Variants in PRKN observed in about 807,000 individuals in gnomAD.
PRKN encodes the protein parkin RBR E3 ubiquitin protein ligase.
In PRKN, 56 loss-of-function variants were observed where a neutral mutation model predicts 59.5. That is an observed-to-expected ratio of 0.94 (90% CI 0.76 to 1.18). The LOEUF (loss-of-function observed/expected upper bound fraction) is 1.18, where lower values mean the gene tolerates loss of function less well. Among genes scored for constraint, PRKN ranks in the 50% most tolerant of loss-of-function variants. The pLI, the probability that PRKN is intolerant of heterozygous loss-of-function variation, is 0.00. For missense variants in PRKN, 657 were observed against 596.4 expected (o/e 1.10, Z -1.06); for synonymous variants, 250 against 222.1 (o/e 1.13, Z -1.12).
rs1447620970 is a variant in PRKN, at chr6:161,543,126, A to C, written c.1083+5728T>G. ...TGGATTTTAAACTCAATAATTAGTT[A>C]AATCTTTGAGTAAAAGGGTAGGTAT... On this transcript the variant is annotated intron_variant, in intron 9 of 11. Transcript: ENST00000366898. 2.0e-5 allele frequency among the ~76,000 whole-genome samples: 3 copies of C among 152,182 alleles called. No individual in the cohort carries two copies. In the East Asian group the frequency reaches 5.8e-4, roughly 29 times the overall value.
At chr6:162,397,775 G>A (rs1787548307) in intron 2 of PRKN, among the ~76,000 whole-genome samples, 1 of 152,136 alleles carries the variant, frequency 6.6e-6, no homozygotes, top group Non-Finnish European at 1.5e-5. Context: ...AGTGGCTCAT[G>A]CCTGTAATCC....
intron 4 of PRKN, among the ~76,000 whole-genome samples, chr6:162,175,568 A>G (rs1047434300): frequency 7.9e-5 from 12 of 152,210 alleles, no homozygotes; most frequent in Non-Finnish European, 1.8e-4. Context: ...GGTATATGCA[A>G]TAGAAGCTGT....
chr6:162,346,758 C>A (rs1784420994), intron 2 of PRKN, among the ~76,000 whole-genome samples: 1 of 152,042 alleles, frequency 6.6e-6, no homozygotes, highest in South Asian at 2.1e-4. Flanking sequence ...TTTAATCTGT[C>A]AATATGGTAA....
intron 7 of PRKN, among the ~76,000 whole-genome samples, chr6:161,580,026 G>A (rs1781275076): frequency 6.6e-6 from 1 of 152,130 alleles, no homozygotes; most frequent in South Asian, 2.1e-4. Context: ...TATATTTAGA[G>A]TGTATATGCT....
chr6:162,686,420 G>C (rs1240286561), intron 1 of PRKN, among the ~76,000 whole-genome samples: 4 of 152,014 alleles, frequency 2.6e-5, no homozygotes, highest in Non-Finnish European at 5.9e-5. Context: ...AGAAGTTTTT[G>C]TTTTGTTTTG....
chr6:162,548,513 A>G (rs1025728115), intron 1 of PRKN, among the ~76,000 whole-genome samples: 2 of 151,972 alleles, frequency 1.3e-5, no homozygotes, highest in African/African-American at 4.8e-5. Flanking sequence ...TAAGCACATA[A>G]TCCCATTTAT....
At chr6:162,405,597 G>C (rs1237635667) in intron 2 of PRKN, among the ~76,000 whole-genome samples, 2 of 152,082 alleles carry the variant, frequency 1.3e-5, no homozygotes, top group African/African-American at 4.8e-5. Flanking sequence ...AGAATGTTTT[G>C]GGGGACACGG....
At chr6:162,097,875 A>G (rs915532806) in intron 4 of PRKN, among the ~76,000 whole-genome samples, 4 of 152,146 alleles carry the variant, frequency 2.6e-5, no homozygotes, top group African/African-American at 9.7e-5. Flanking sequence ...TTCCAATGGT[A>G]CTCTAATGCT....
In PRKN at chr6:161,681,475, G is replaced by A. The variant is rs182178663; in HGVS notation, c.871+104297C>T. Among the ~76,000 whole-genome samples, 962 of 144,828 alleles carry A rather than the reference G, an allele frequency of 6.6e-3. 4 individuals carry two copies. The highest frequency in any genetic ancestry group is 0.01 in the Non-Finnish European group (672 of 66,230). On this transcript the variant is annotated intron_variant, in intron 7 of 11. Transcript: ENST00000366898. Reference sequence around the variant, plus strand: ...AATCTTTTTTTTTTTTCTCCTGATTGTCTTTGGAAGTATTGATCCAGAAAT... The same window carrying A: ...AATCTTTTTTTTTTTTCTCCTGATTATCTTTGGAAGTATTGATCCAGAAAT...
chr6:161,450,966 C>A (rs951509367), intron 9 of PRKN, among the ~76,000 whole-genome samples: 1 of 152,052 alleles, frequency 6.6e-6, no homozygotes, highest in African/African-American at 2.4e-5. Context: ...TGCAAAAAAT[C>A]AACAATATGA....
At chr6:161,758,626 T>C (rs1395120803) in intron 7 of PRKN, among the ~76,000 whole-genome samples, 1 of 152,170 alleles carries the variant, frequency 6.6e-6, no homozygotes, top group African/African-American at 2.4e-5. Context: ...ACTTATCAAA[T>C]GGTACATTTT....
In PRKN at chr6:161,911,693, A is replaced by G. The variant is rs148877067; in HGVS notation, c.734+61609T>C. Among the ~76,000 whole-genome samples the G allele has an allele frequency of 1.9e-3, 292 of 152,340 alleles. 1 individual carries two copies. The highest frequency in any genetic ancestry group is 6.7e-3 in the African/African-American group (278 of 41,578). ...GAAATAAATACCCGTCAGTATAGAAATGTAGTATATCATAAAAATGGCACT... is the reference window on the plus strand; with the variant it reads ...GAAATAAATACCCGTCAGTATAGAAGTGTAGTATATCATAAAAATGGCACT... On this transcript the variant is annotated intron_variant, in intron 6 of 11. Transcript: ENST00000366898.
chr6:161,908,534 A>C (rs944610783), intron 6 of PRKN, among the ~76,000 whole-genome samples: 7 of 152,222 alleles, frequency 4.6e-5, no homozygotes, highest in Non-Finnish European at 8.8e-5. Context: ...GACAGAGGTA[A>C]AAAACATTTT....
chr6:161,682,428 T>C (rs1785400251), intron 7 of PRKN, among the ~76,000 whole-genome samples: 1 of 152,176 alleles, frequency 6.6e-6, no homozygotes, highest in Admixed American at 6.5e-5. Context: ...GGTTTAAATT[T>C]TGAACTCACC....
At chr6:162,691,397 T>C (rs1439263503) in intron 1 of PRKN, among the ~76,000 whole-genome samples, 1 of 152,190 alleles carries the variant, frequency 6.6e-6, no homozygotes, top group Non-Finnish European at 1.5e-5. Flanking sequence ...AATGGATTAG[T>C]GTCAGAAAAT....
chr6:162,195,124 C>T (rs1011660384), intron 4 of PRKN, among the ~76,000 whole-genome samples: 2 of 152,206 alleles, frequency 1.3e-5, no homozygotes, highest in Non-Finnish European at 1.5e-5. Flanking sequence ...AACACTGTAA[C>T]GCGATGCAAA....
intron 2 of PRKN, among the ~76,000 whole-genome samples, chr6:162,402,530 C>T (rs1288589168): frequency 6.6e-6 from 1 of 151,812 alleles, no homozygotes; most frequent in Non-Finnish European, 1.5e-5. Flanking sequence ...TTAGGCTGAC[C>T]CCCAAAAAAG....
rs527516590 is a variant in PRKN, at chr6:161,638,598, C to A, written c.872-69182G>T. On this transcript the variant is annotated intron_variant, in intron 7 of 11. Transcript: ENST00000366898. ...CCTAGTAATATGGTTTGACTATGTC[C>A]CCACTCAAATCTCATCTTGAATTGT... 2.2e-4 allele frequency among the ~76,000 whole-genome samples: 33 copies of A among 152,202 alleles called. No homozygotes were observed. The Middle Eastern group carries it at 0.01, about 47-fold the overall frequency.
chr6:162,443,307 C>A lies in PRKN; in HGVS notation c.171+3G>T. 6.2e-7 allele frequency: 1 copy of A among 1,612,254 alleles called. No homozygotes were observed. The highest frequency in any genetic ancestry group is 8.5e-7 in the Non-Finnish European group (1 of 1,179,996). ...CCAAGAACGGCCGCCAAGGGAGACT[C>A]ACCTGCACAGTCCAGTCATTCCTCA... On this transcript the variant is annotated splice_donor_region_variant and intron_variant, in intron 2 of 11. Transcript: ENST00000366898.
Sources: gnomAD v4.1 joint callset for allele counts (sites outside exome capture counted in the v4.1 genomes callset) on GRCh38, gnomAD v4.1.1 for gene constraint, MANE v1.5 for transcripts, NCBI Gene and HGNC (gene_info 2026-07-23, HGNC 2026-07-21) for gene names.